KRT8: variants seen among roughly 807,000 people sequenced by gnomAD.
KRT8 encodes the protein keratin 8, also known as keratin, type II cytoskeletal 8.
KRT8 carries 24 observed loss-of-function variants against 43.0 expected under a neutral mutation model. The ratio of observed to expected loss-of-function variants is 0.56; its 90% CI spans 0.40 to 0.78. KRT8 has a LOEUF of 0.78. Ranked by LOEUF, KRT8 falls within the 30% of genes least tolerant of loss-of-function variation. KRT8 has a pLI of 0.00. For missense variants in KRT8, 492 were observed against 638.4 expected (o/e 0.77, Z 2.47); for synonymous variants, 214 against 261.2 (o/e 0.82, Z 1.74).
intron 2 of KRT8, among the ~76,000 whole-genome samples, chr12:52,916,915 A>G (rs1257822845): frequency 6.6e-6 from 1 of 152,190 alleles, no homozygotes; most frequent in East Asian, 1.9e-4. Flanking sequence ...AGGAGCTGGG[A>G]GTGCCAGCCC....
At chr12:52,941,152 C>A (rs1413547303) in intron 2 of KRT8, among the ~76,000 whole-genome samples, 1 of 151,502 alleles carries the variant, frequency 6.6e-6, no homozygotes, top group Non-Finnish European at 1.5e-5. Context: ...CCACAACCTC[C>A]GCCTCCTGGG....
At chr12:52,944,351 C>G (rs530152773) in intron 2 of KRT8, among the ~76,000 whole-genome samples, 1 of 152,314 alleles carries the variant, frequency 6.6e-6, no homozygotes, top group Admixed American at 6.5e-5. Flanking sequence ...CCACCTCAAC[C>G]TCTCAAAGTG....
At chr12:52,932,423 C>T (rs1363887453) in intron 2 of KRT8, among the ~76,000 whole-genome samples, 5 of 152,038 alleles carry the variant, frequency 3.3e-5, no homozygotes, top group Non-Finnish European at 7.4e-5. Context: ...TTACTTTGTC[C>T]ACAAGATCAG....
rs536756512 is a variant in KRT8, at chr12:52,934,255, GGAAGGA to G, written c.-47+15195_-47+15200del. Among the ~76,000 whole-genome samples, 35 of 150,378 alleles carry G rather than the reference GGAAGGA, an allele frequency of 2.3e-4. No individual in the cohort carries two copies. The South Asian group carries it at 4.9e-3, about 21-fold the overall frequency. The stretch of plus-strand genomic sequence containing the variant: ...GAAAAGGAAAAAAAATAAAAGAAAA[GGAAGGA>G]GAAGGAGAAGGAGAAGAAGCCGGGC... On this transcript the variant is annotated intron_variant, in intron 2 of 6. Transcript: ENST00000546826.
intron 2 of KRT8, among the ~76,000 whole-genome samples, chr12:52,915,883 C>T (rs1941729179): frequency 6.6e-6 from 1 of 152,186 alleles, no homozygotes; most frequent in Admixed American, 6.5e-5. Context: ...AATACAAATA[C>T]TACCTGGCCA....
rs1031316384 is a variant in KRT8, at chr12:52,926,586, C to T, written c.-46-21559G>A. On this transcript the variant is annotated intron_variant, in intron 2 of 6. Transcript: ENST00000546826. ...TTTGTTACACCCCTGGGCTGGGTTA[C>T]ACTTGCTGTGGGCATGTCTGAGCTC... The T allele has an allele frequency of 8.7e-6, 7 of 807,248 alleles. No individual in the cohort carries two copies. The African/African-American group carries it at 1.0e-4, about 12-fold the overall frequency. 50.0% of individuals were successfully genotyped at this position (807,248 alleles called of 1,614,324 possible). A position where few individuals can be genotyped will look rare whatever the true frequency, so the allele number is the denominator to read the frequency against.
chr12:52,901,106 G>A, intron 3 of KRT8, 53 bp downstream of exon 3: 1 of 1,300,228 alleles, frequency 7.7e-7, no homozygotes, highest in Non-Finnish European at 1.1e-6. Context: ...CTTGGTCTGA[G>A]TCTCTGAGCC....
chr12:52,899,838 C>T, exon 5 of KRT8: 2 of 1,611,808 alleles, frequency 1.2e-6, no homozygotes, highest in Admixed American at 1.7e-5. Context: ...TCTCAGAGAT[C>T]TCAGTCTTTG....
chr12:52,906,084 G>GA (rs1274834066), upstream of KRT8, among the ~76,000 whole-genome samples: 2 of 151,526 alleles, frequency 1.3e-5, no homozygotes, highest in Non-Finnish European at 2.9e-5. Context: ...CCATCTCAAA[G>GA]AAAAAAAAGA....
At chr12:52,940,567 G>T (rs1389784869) in intron 2 of KRT8, among the ~76,000 whole-genome samples, 1 of 151,946 alleles carries the variant, frequency 6.6e-6, no homozygotes, top group Non-Finnish European at 1.5e-5. Context: ...ATAGCTGGGG[G>T]TGTCGGGGAG....
exon 1 of KRT8, chr12:52,949,788 GGA>G (rs1408922689): frequency 2.8e-6 from 2 of 712,150 alleles, no homozygotes. Flanking sequence ...CTCTTTCCCA[GGA>G]GAGAGGGGGA....
chr12:52,922,184 T>TAAA (rs57023136), intron 2 of KRT8, among the ~76,000 whole-genome samples: 7 of 38,674 alleles, frequency 1.8e-4, no homozygotes, highest in East Asian at 7.6e-4. Flanking sequence ...ACCCTGTCTC[T>TAAA]AAAAAAAAAA....
intron 2 of KRT8, among the ~76,000 whole-genome samples, chr12:52,934,827 G>T (rs550115677): frequency 1.3e-5 from 2 of 151,766 alleles, no homozygotes; most frequent in African/African-American, 4.8e-5. Context: ...AAATTAGCTG[G>T]GCATGGTGGC....
chr12:52,949,132 C>T (rs1446603097), intron 2 of KRT8: 1 of 1,338,676 alleles, frequency 7.5e-7, no homozygotes, highest in South Asian at 1.2e-5. Flanking sequence ...CCACCGTCGT[C>T]CGCAAAGCCT....
chr12:52,907,403 TC>T (rs1404428626), upstream of KRT8, among the ~76,000 whole-genome samples: 1 of 152,096 alleles, frequency 6.6e-6, no homozygotes, highest in Non-Finnish European at 1.5e-5. Flanking sequence ...GCTCTCCCTA[TC>T]TTCCCTCCCC....
At chr12:52,906,610 G>A (rs1260375424), upstream of KRT8, 3 of 441,758 alleles carry the variant, frequency 6.8e-6, no homozygotes, top group Non-Finnish European at 1.4e-5. Flanking sequence ...AAGGCAGGAG[G>A]TTTAGGTCCC....
At chr12:52,949,585 G>T in exon 2 of KRT8, 1 of 1,613,002 alleles carries the variant, frequency 6.2e-7, no homozygotes, top group Non-Finnish European at 8.5e-7. Context: ...GGACCTGAGG[G>T]CTCAGGTAAG....
At chr12:52,923,578 C>A (rs566941818) in intron 2 of KRT8, among the ~76,000 whole-genome samples, 1 of 152,004 alleles carries the variant, frequency 6.6e-6, no homozygotes, top group African/African-American at 2.4e-5. Flanking sequence ...AGCCACCACG[C>A]CTGGCTAATT....
At position 52,923,608 on chromosome 12, in the gene KRT8, C is replaced by T. The variant is rs144570081; in HGVS notation, c.-46-18581G>A. On this transcript the variant is annotated intron_variant, in intron 2 of 6. Transcript: ENST00000546826. ...CTAATTTTTGTATTTTTAGTAGAGA[C>T]GGGATTTCACCTTGTTAGCCAGGAT... Among the ~76,000 whole-genome samples the T allele has an allele frequency of 8.9e-3, 1,342 of 151,094 alleles. 15 individuals carry two copies. Among genetic ancestry groups the T allele is most frequent in the African/African-American group, 0.03 (1,255 of 41,162 alleles).
Sources: allele counts gnomAD v4.1 joint callset (sites outside exome capture counted in the v4.1 genomes callset), GRCh38; gene constraint gnomAD v4.1.1; transcripts MANE v1.5; gene names NCBI Gene and HGNC (gene_info 2026-07-23, HGNC 2026-07-21).